Variants in AKAP12 observed in about 807,000 individuals in gnomAD.
The protein encoded by AKAP12 is A-kinase anchor protein 12.
A neutral mutation model predicts 79.9 loss-of-function variants in AKAP12; 32 were observed. The observed-to-expected ratio is 0.40, with a 90% CI of 0.30 to 0.54. The LOEUF (loss-of-function observed/expected upper bound fraction) is 0.54. Among genes scored for constraint, AKAP12 ranks in the 20% least tolerant of loss-of-function variants. The pLI is 0.48. For missense variants in AKAP12, 2,074 were observed against 2,177.0 expected (o/e 0.95, Z 0.94); for synonymous variants, 808 against 857.0 (o/e 0.94, Z 1.00).
intron 3 of AKAP12, chr6:151,324,811 G>A (rs1363948643): frequency 7.1e-6 from 7 of 985,248 alleles, no homozygotes; most frequent in African/African-American, 5.2e-5. Flanking sequence ...TTCGTCACTC[G>A]TGTCTTTACA....
At chr6:151,319,548 A>G (rs1434246169) in intron 3 of AKAP12, 1 of 89,478 alleles carries the variant, frequency 1.1e-5, no homozygotes, top group Non-Finnish European at 2.3e-5. Context: ...ATAGATATAG[A>G]TATATATATC....
intron 2 of AKAP12, among the ~76,000 whole-genome samples, chr6:151,296,989 T>C (rs573363711): frequency 2.0e-5 from 3 of 151,558 alleles, no homozygotes; most frequent in Non-Finnish European, 2.9e-5. Flanking sequence ...CATTGGAAAA[T>C]ATATTGTATG....
Position 151,313,601 on chromosome 6 carries a change from G to A in AKAP12, c.319+7698G>A, listed in dbSNP as rs574848745. On this transcript the variant is annotated intron_variant, in intron 3 of 4. Transcript: ENST00000402676. ...ACAGAGATTTATTTTCCTGTAATCAGCAGTCAAGATGTTTTTCTCTGAACT... is the reference window on the plus strand; with the variant it reads ...ACAGAGATTTATTTTCCTGTAATCAACAGTCAAGATGTTTTTCTCTGAACT... Among the ~76,000 whole-genome samples the A allele has an allele frequency of 9.2e-5, 14 of 152,282 alleles. No individual in the cohort carries two copies. In the South Asian group the frequency reaches 2.1e-3, roughly 23 times the overall value.
intron 2 of AKAP12, among the ~76,000 whole-genome samples, chr6:151,287,492 C>T (rs538852614): frequency 2.6e-5 from 4 of 152,174 alleles, no homozygotes; most frequent in Non-Finnish European, 5.9e-5. Context: ...AACTCTTGGA[C>T]TCCAGCGATC....
In AKAP12 at chr6:151,343,016, G is replaced by C. The variant is rs141186347; in HGVS notation, c.320-5695G>C. Among the ~76,000 whole-genome samples the C allele has an allele frequency of 1.9e-3, 285 of 152,314 alleles. 1 individual carries two copies. Among genetic ancestry groups the C allele is most frequent in the African/African-American group, 6.6e-3 (276 of 41,578 alleles). ...GACCTCAAGTAAACCGCCTGCCTCA[G>C]CCTCCCAAAGTGCTGGGATTACAGG... On this transcript the variant is annotated intron_variant, in intron 3 of 4. Transcript: ENST00000402676.
chr6:151,319,542 A>ATC (rs1329148058), intron 3 of AKAP12: 1 of 78,978 alleles, frequency 1.3e-5, no homozygotes, highest in African/African-American at 7.1e-5. Context: ...ATATATATAG[A>ATC]TATAGATATA....
At chr6:151,287,558 G>C (rs1394025117) in intron 2 of AKAP12, among the ~76,000 whole-genome samples, 1 of 152,152 alleles carries the variant, frequency 6.6e-6, no homozygotes, top group Non-Finnish European at 1.5e-5. Context: ...ATCAGGCCCG[G>C]CCATGTTTAC....
At chr6:151,303,510 G>A (rs1342621398) in intron 2 of AKAP12, among the ~76,000 whole-genome samples, 2 of 152,204 alleles carry the variant, frequency 1.3e-5, no homozygotes, top group African/African-American at 2.4e-5. Context: ...GAACAGCCAG[G>A]TGAAATCAAT....
At position 151,326,503 on chromosome 6, in the gene AKAP12, A is replaced by AG. The variant is rs1554330510; in HGVS notation, c.319+20600_319+20601insG. Among the ~76,000 whole-genome samples the AG allele has an allele frequency of 3.4e-4, 51 of 149,272 alleles. 2 individuals carry two copies. In the Middle Eastern group the frequency reaches 0.01, roughly 31 times the overall value. ...GCAACAAATAGTAAAAAAAAAAAAA[A>AG]AAAGAAAAAAAGAAAAAAGTATGTT... On this transcript the variant is annotated intron_variant, in intron 3 of 4. Transcript: ENST00000402676.
chr6:151,253,347 TTTC>T (rs1355727666), intron 2 of AKAP12, among the ~76,000 whole-genome samples: 1 of 152,248 alleles, frequency 6.6e-6, no homozygotes, highest in African/African-American at 2.4e-5. Context: ...TGAAATTGTT[TTTC>T]ATTTGGATAC....
chr6:151,328,753 C>T (rs1242919442), intron 3 of AKAP12, among the ~76,000 whole-genome samples: 2 of 151,838 alleles, frequency 1.3e-5, no homozygotes, highest in Non-Finnish European at 2.9e-5. Flanking sequence ...ATCTTTAGTA[C>T]TATGTTATTT....
intron 3 of AKAP12, among the ~76,000 whole-genome samples, chr6:151,320,546 T>A (rs893929195): frequency 1.3e-5 from 2 of 152,170 alleles, no homozygotes; most frequent in Non-Finnish European, 2.9e-5. Flanking sequence ...AGGGTCCTTT[T>A]TCAGATTCCT....
chr6:151,342,708 T>C (rs1454722603), intron 3 of AKAP12, among the ~76,000 whole-genome samples: 1 of 152,242 alleles, frequency 6.6e-6, no homozygotes, highest in Non-Finnish European at 1.5e-5. Flanking sequence ...ATAACTCACT[T>C]ACTCTATATA....
chr6:151,324,619 CT>C (rs1439720857), intron 3 of AKAP12: 3 of 985,296 alleles, frequency 3.0e-6, no homozygotes, highest in Non-Finnish European at 1.2e-6. Context: ...AATAGTAAAA[CT>C]TTCCTTTTTG....
At chr6:151,287,558 G>T (rs1394025117) in intron 2 of AKAP12, among the ~76,000 whole-genome samples, 1 of 152,152 alleles carries the variant, frequency 6.6e-6, no homozygotes, top group African/African-American at 2.4e-5. Flanking sequence ...ATCAGGCCCG[G>T]CCATGTTTAC....
chr6:151,344,431 A>G (rs934012874), intron 3 of AKAP12, among the ~76,000 whole-genome samples: 4 of 152,234 alleles, frequency 2.6e-5, no homozygotes, highest in Admixed American at 6.5e-5. Context: ...GAACTTTAGC[A>G]TAACTTAGAG....
At chr6:151,250,706 C>T (rs956247871) in intron 2 of AKAP12, among the ~76,000 whole-genome samples, 9 of 150,666 alleles carry the variant, frequency 6.0e-5, no homozygotes, top group Non-Finnish European at 7.4e-5. Context: ...CCCGGGTTCA[C>T]GCCATTCTCC....
rs541806313 is a variant in AKAP12, at chr6:151,332,917, G to C, written c.320-15794G>C. Among the ~76,000 whole-genome samples the C allele has an allele frequency of 2.4e-3, 360 of 152,272 alleles. 2 individuals carry two copies. The highest frequency in any genetic ancestry group is 8.0e-3 in the African/African-American group (334 of 41,566). Reference sequence around the variant, plus strand: ...GGCTTTCTGGGCATGGGAGAGACTTGGGCGGATAGCAGCGTGTTTAAAAAT... The same window carrying C: ...GGCTTTCTGGGCATGGGAGAGACTTCGGCGGATAGCAGCGTGTTTAAAAAT... On this transcript the variant is annotated intron_variant, in intron 3 of 4. Coordinates refer to ENST00000402676, the MANE Select transcript of AKAP12 (RefSeq NM_005100.4).
intron 2 of AKAP12, among the ~76,000 whole-genome samples, chr6:151,263,140 A>G (rs1372806979): frequency 6.6e-6 from 1 of 152,092 alleles, no homozygotes; most frequent in Non-Finnish European, 1.5e-5. Context: ...ATCTCAAGCA[A>G]TCCTCCCACC....
Sources: allele counts gnomAD v4.1 joint callset (sites outside exome capture counted in the v4.1 genomes callset), GRCh38; gene constraint gnomAD v4.1.1; transcripts MANE v1.5; gene names NCBI Gene and HGNC (gene_info 2026-07-23, HGNC 2026-07-21).